AGBL1: variants seen among roughly 807,000 people sequenced by gnomAD.
The protein encoded by AGBL1 is cytosolic carboxypeptidase 4.
Under a neutral mutation model 118.9 loss-of-function variants are expected in AGBL1, and 130 were observed. The ratio of observed to expected loss-of-function variants is 1.09; its 90% confidence interval spans 0.95 to 1.26. The LOEUF (loss-of-function observed/expected upper bound fraction) is 1.26. AGBL1 is among the 50% of genes most tolerant of loss of function. The probability of loss-of-function intolerance (pLI) is 0.00; values close to 1 mark genes in which losing one functional copy is unlikely to be tolerated. For missense variants in AGBL1, 1,584 were observed against 1,298.1 expected (o/e 1.22, Z -3.38); for synonymous variants, 555 against 478.9 (o/e 1.16, Z -2.08).
intron 24 of AGBL1, among the ~76,000 whole-genome samples, chr15:87,000,312 T>C (rs1185086036): frequency 1.0e-5 from 1 of 96,872 alleles, no homozygotes; most frequent in Non-Finnish European, 2.3e-5. Context: ...CATGCCTATG[T>C]CCTGAATGGT....
intron 23 of AGBL1, among the ~76,000 whole-genome samples, chr15:86,945,148 G>T (rs2080802716): frequency 6.6e-6 from 1 of 150,592 alleles, no homozygotes; most frequent in Admixed American, 6.7e-5. Context: ...GGGAGGCTGA[G>T]GCAGGAGGAT....
At chr15:86,151,442 A>C (rs578188336) in intron 3 of AGBL1, among the ~76,000 whole-genome samples, 3 of 152,330 alleles carry the variant, frequency 2.0e-5, no homozygotes, top group Non-Finnish European at 4.4e-5. Flanking sequence ...TGATTATCTC[A>C]ATAGATGCAG....
intron 20 of AGBL1, among the ~76,000 whole-genome samples, chr15:86,549,036 C>T (rs2083628207): frequency 6.6e-6 from 1 of 152,004 alleles, no homozygotes; most frequent in South Asian, 2.1e-4. Flanking sequence ...CTCATTATTG[C>T]AACGACAGCA....
At chr15:86,204,986 A>T (rs1254202200) in intron 5 of AGBL1, among the ~76,000 whole-genome samples, 1 of 152,198 alleles carries the variant, frequency 6.6e-6, no homozygotes, top group Non-Finnish European at 1.5e-5. Context: ...CTGGGTTTGG[A>T]GAAATTTATA....
At chr15:86,503,480 T>C (rs75291246) in intron 18 of AGBL1, among the ~76,000 whole-genome samples, 157 of 151,250 alleles carry the variant, frequency 1.0e-3, no homozygotes, top group African/African-American at 3.6e-3. Context: ...GCTTCAGGTT[T>C]TCCTCTTCTT....
At chr15:86,109,035 C>G (rs1264346142) in intron 1 of AGBL1, among the ~76,000 whole-genome samples, 2 of 152,130 alleles carry the variant, frequency 1.3e-5, no homozygotes, top group Non-Finnish European at 2.9e-5. Context: ...ATTTAAGGTC[C>G]TTCTCTTTTT....
intron 21 of AGBL1, among the ~76,000 whole-genome samples, chr15:86,567,924 A>G (rs2083940244): frequency 6.6e-6 from 1 of 152,148 alleles, no homozygotes; most frequent in South Asian, 2.1e-4. Context: ...GAGGCAGGAT[A>G]GTCAGACCAG....
chr15:86,874,668 G>A (rs1360142953), intron 22 of AGBL1, among the ~76,000 whole-genome samples: 1 of 152,110 alleles, frequency 6.6e-6, no homozygotes, highest in Non-Finnish European at 1.5e-5. Flanking sequence ...AAGAAATGGG[G>A]ACATTCTTTG....
At position 86,912,321 on chromosome 15, in the gene AGBL1, G is replaced by T. The variant is rs1221833488; in HGVS notation, c.*5027G>T. 1 of 152,140 alleles carries T rather than the reference G, an allele frequency of 6.6e-6. No homozygotes were observed. Among genetic ancestry groups the T allele is most frequent in the African/African-American group, 2.4e-5 (1 of 41,426 alleles). 9.4% of individuals were successfully genotyped at this position (152,140 alleles called of 1,614,324 possible). A position where few individuals can be genotyped will look rare whatever the true frequency, so the allele number is the denominator to read the frequency against. On this transcript the variant is annotated 3_prime_UTR_variant, in exon 23 of 23. Coordinates refer to ENST00000614907, the MANE Select transcript of AGBL1 (RefSeq NM_001386094.1). ...GCAAATGCTTAGAGTGGTGATAATG[G>T]AGGGGTGGCATCTCCAAGGGTTCCC... is the stretch of plus-strand genomic sequence containing the variant.
At chr15:86,822,821 T>G (rs538573495) in intron 22 of AGBL1, among the ~76,000 whole-genome samples, 9 of 150,662 alleles carry the variant, frequency 6.0e-5, no homozygotes, top group African/African-American at 2.2e-4. Flanking sequence ...GAAAGAGATG[T>G]GGAGGATAAA....
At chr15:86,081,929 C>G (rs991567661) in intron 1 of AGBL1, among the ~76,000 whole-genome samples, 5 of 152,160 alleles carry the variant, frequency 3.3e-5, no homozygotes, top group African/African-American at 1.2e-4. Context: ...CATGATCACC[C>G]CGGGGCACTG....
chr15:86,863,580 A>G (rs1351669106), intron 22 of AGBL1, among the ~76,000 whole-genome samples: 2 of 152,002 alleles, frequency 1.3e-5, no homozygotes, highest in East Asian at 3.9e-4. Flanking sequence ...GTGATAAGTA[A>G]GAGAAGTCAC....
intron 22 of AGBL1, among the ~76,000 whole-genome samples, chr15:86,723,663 A>G (rs889690940): frequency 6.6e-6 from 1 of 152,216 alleles, no homozygotes; most frequent in Non-Finnish European, 1.5e-5. Context: ...AATAATAAAA[A>G]AAAGAAAACA....
intron 23 of AGBL1, among the ~76,000 whole-genome samples, chr15:86,970,436 T>C (rs1178217377): frequency 6.6e-6 from 1 of 152,068 alleles, no homozygotes; most frequent in South Asian, 2.1e-4. Flanking sequence ...ACATTTATTT[T>C]CATAACCATT....
chr15:86,754,118 GC>G (rs1429670776), intron 22 of AGBL1, among the ~76,000 whole-genome samples: 1 of 152,020 alleles, frequency 6.6e-6, no homozygotes, highest in Non-Finnish European at 1.5e-5. Flanking sequence ...TAGTAGAAGA[GC>G]TCTAACTATA....
chr15:86,997,856 C>T (rs1180521657), intron 24 of AGBL1, among the ~76,000 whole-genome samples: 1 of 149,836 alleles, frequency 6.7e-6, no homozygotes, highest in Non-Finnish European at 1.5e-5. Context: ...TCCTTATATA[C>T]TAAAAACACA....
At chr15:86,738,263 G>A (rs1329815346) in intron 22 of AGBL1, among the ~76,000 whole-genome samples, 1 of 152,074 alleles carries the variant, frequency 6.6e-6, no homozygotes, top group Non-Finnish European at 1.5e-5. Context: ...CAATTACACA[G>A]CTAACATCAT....
At chr15:86,208,248 C>T (rs926370444) in intron 5 of AGBL1, among the ~76,000 whole-genome samples, 38 of 152,066 alleles carry the variant, frequency 2.5e-4, no homozygotes, top group Non-Finnish European at 5.1e-4. Flanking sequence ...ATTTTTGCAT[C>T]GATGTTCATC....
chr15:86,596,764 A>G (rs2084412646), intron 21 of AGBL1, among the ~76,000 whole-genome samples: 1 of 152,196 alleles, frequency 6.6e-6, no homozygotes, highest in Non-Finnish European at 1.5e-5. Context: ...GTCAAAAACT[A>G]TAAATATCTC....
Sources: allele counts gnomAD v4.1 joint callset (sites outside exome capture counted in the v4.1 genomes callset), GRCh38; gene constraint gnomAD v4.1.1; transcripts MANE v1.5; gene names NCBI Gene and HGNC (gene_info 2026-07-23, HGNC 2026-07-21).